The following GASK1A variants were observed in gnomAD, a reference collection of about 807,000 sequenced individuals.
The protein encoded by GASK1A is golgi associated kinase 1A, also known as Golgi-associated kinase 1A.
Under a neutral mutation model 41.2 loss-of-function variants are expected in GASK1A, and 40 were observed. The observed-to-expected ratio is 0.97, with a 90% CI of 0.75 to 1.27. The LOEUF is 1.27. Ranked by LOEUF, GASK1A falls within the 50% of genes most tolerant of loss-of-function variation. The pLI is 0.00. For synonymous variants in GASK1A, 316 were observed against 307.1 expected (o/e 1.03, Z -0.30); for missense variants, 678 against 745.1 (o/e 0.91, Z 1.05).
chr3:43,026,689 AT>A (rs2089548489), intron 1 of GASK1A, among the ~76,000 whole-genome samples: 1 of 152,228 alleles, frequency 6.6e-6, no homozygotes, highest in African/African-American at 2.4e-5. Flanking sequence ...CAAATAGAGT[AT>A]AAAAACAAGA....
At chr3:42,983,731 C>T (rs2089293177) in intron 1 of GASK1A, among the ~76,000 whole-genome samples, 1 of 152,284 alleles carries the variant, frequency 6.6e-6, no homozygotes, top group Non-Finnish European at 1.5e-5. Context: ...GAAATTTGAT[C>T]CCCTCTCTCT....
intron 2 of GASK1A, among the ~76,000 whole-genome samples, chr3:43,046,337 T>G (rs1317772158): frequency 6.6e-6 from 1 of 152,234 alleles, no homozygotes; most frequent in Admixed American, 6.5e-5. Flanking sequence ...TGCTATGCTT[T>G]AGCAAAGAAA....
intron 1 of GASK1A, among the ~76,000 whole-genome samples, chr3:43,019,207 G>T (rs376042646): frequency 6.6e-6 from 1 of 152,194 alleles, no homozygotes; most frequent in Non-Finnish European, 1.5e-5. Context: ...GCAAAAGTCC[G>T]CTCTTGTCTT....
At chr3:43,029,501 TG>T (rs1427294359) in intron 1 of GASK1A, among the ~76,000 whole-genome samples, 1 of 152,018 alleles carries the variant, frequency 6.6e-6, no homozygotes, top group Non-Finnish European at 1.5e-5. Context: ...CTAGAATCAC[TG>T]GGTATTGGGG....
chr3:43,042,937 T>G (rs2089645108), intron 2 of GASK1A, among the ~76,000 whole-genome samples: 1 of 151,776 alleles, frequency 6.6e-6, no homozygotes. Flanking sequence ...GCAAGGTGAG[T>G]CCTTAGAGGA....
At chr3:42,990,063 T>C (rs991310668) in intron 1 of GASK1A, among the ~76,000 whole-genome samples, 32 of 151,942 alleles carry the variant, frequency 2.1e-4, no homozygotes, top group Non-Finnish European at 4.6e-4. Flanking sequence ...GTGTGGTGGC[T>C]CATGCTTGTA....
intron 1 of GASK1A, 126 bp downstream of exon 1, chr3:42,979,771 C>A: frequency 2.0e-6 from 2 of 993,050 alleles, no homozygotes; most frequent in Non-Finnish European, 2.6e-6. Flanking sequence ...CGGAGTTGTT[C>A]CCCGAAAGTT....
intron 1 of GASK1A, among the ~76,000 whole-genome samples, chr3:43,020,938 G>C (rs1447220323): frequency 6.6e-6 from 1 of 152,248 alleles, no homozygotes; most frequent in Non-Finnish European, 1.5e-5. Flanking sequence ...GACTGCATCT[G>C]CAGTGCAACC....
chr3:43,030,100 G>A (rs545811149), intron 1 of GASK1A, among the ~76,000 whole-genome samples: 3 of 152,296 alleles, frequency 2.0e-5, no homozygotes, highest in African/African-American at 7.2e-5. Context: ...GGGTTCAAGC[G>A]GTTCTCCTGC....
At chr3:43,006,195 T>C (rs2089435265) in intron 1 of GASK1A, among the ~76,000 whole-genome samples, 1 of 152,340 alleles carries the variant, frequency 6.6e-6, no homozygotes, top group East Asian at 1.9e-4. Context: ...CTGCTCCTTC[T>C]GAGCTGGTCG....
rs946679995 is a variant in GASK1A at position 43,056,518 on chromosome 3, C to T, written c.*132C>T. 5.1e-6 allele frequency: 4 copies of T among 784,322 alleles called. No homozygotes were observed. Among genetic ancestry groups the T allele is most frequent in the Non-Finnish European group, 7.9e-6 (4 of 505,580 alleles). The allele number at this position is 784,322 out of a possible 1,614,324, so 48.6% of individuals were successfully genotyped here. The stretch of plus-strand genomic sequence containing the variant: ...AGGATGTCACGGGATATTTCACCTG[C>T]CTGGGATGGTGGAGGTAGTATGGGG... On this transcript the variant is annotated 3_prime_UTR_variant, in exon 5 of 5. Coordinates refer to ENST00000430121, the MANE Select transcript of GASK1A (RefSeq NM_001129908.3).
At chr3:43,023,113 C>T (rs1323818111) in intron 1 of GASK1A, among the ~76,000 whole-genome samples, 1 of 152,166 alleles carries the variant, frequency 6.6e-6, no homozygotes, top group Non-Finnish European at 1.5e-5. Flanking sequence ...AGATGGGGAA[C>T]TTACTGTGGA....
Position 43,032,956 on chromosome 3 carries a change from C to G in GASK1A, c.693C>G (p.Gly231=). 1 of 1,550,928 alleles carries G rather than the reference C, an allele frequency of 6.4e-7. No individual in the cohort carries two copies. Among genetic ancestry groups the G allele is most frequent in the Non-Finnish European group, 8.7e-7 (1 of 1,146,532 alleles). Residue 231 remains glycine (G), a synonymous_variant, in exon 2 of 5, where the codon GGC becomes GGG. Transcript: ENST00000430121. ...CCTCAGGAGCTCATCAGTGGCCTGG[C>G]TCTGTTGAGAAGCTGCAAGGGTCAG... ...TLASGAHQWP[G]SVEKLQGSVW...
chr3:43,026,142 GGGC>G (rs2089546024), intron 1 of GASK1A, among the ~76,000 whole-genome samples: 1 of 152,148 alleles, frequency 6.6e-6, no homozygotes. Flanking sequence ...AATGGGATGG[GGGC>G]AAGTTTAGTG....
At chr3:42,981,756 G>A (rs1437911819) in intron 1 of GASK1A, among the ~76,000 whole-genome samples, 3 of 152,224 alleles carry the variant, frequency 2.0e-5, no homozygotes, top group Non-Finnish European at 4.4e-5. Context: ...TGTCCACAGA[G>A]TGGTCATTCC....
intron 2 of GASK1A, among the ~76,000 whole-genome samples, chr3:43,038,836 GAGGACTAAGT>G (rs2089619514): frequency 6.6e-6 from 1 of 152,014 alleles, no homozygotes; most frequent in African/African-American, 2.4e-5. Flanking sequence ...CCCTGCCCAC[GAGGACTAAGT>G]AGGATCTTAC....
At chr3:43,036,948 CTG>C (rs1490875273) in intron 2 of GASK1A, among the ~76,000 whole-genome samples, 1 of 152,202 alleles carries the variant, frequency 6.6e-6, no homozygotes, top group Non-Finnish European at 1.5e-5. Flanking sequence ...CCCACAGAAA[CTG>C]TGAAATCATA....
intron 2 of GASK1A, among the ~76,000 whole-genome samples, chr3:43,044,952 C>T (rs2089655337): frequency 6.6e-6 from 1 of 152,034 alleles, no homozygotes. Context: ...GCTGTGAAGG[C>T]CCCAAGCTCT....
chr3:43,021,789 T>C (rs1315150715), intron 1 of GASK1A, among the ~76,000 whole-genome samples: 1 of 152,218 alleles, frequency 6.6e-6, no homozygotes, highest in Non-Finnish European at 1.5e-5. Flanking sequence ...CAACAAAACC[T>C]GTGTGTCTAT....
Sources: gnomAD v4.1 joint callset for allele counts (sites outside exome capture counted in the v4.1 genomes callset) on GRCh38, gnomAD v4.1.1 for gene constraint, MANE v1.5 for transcripts, NCBI Gene and HGNC (gene_info 2026-07-23, HGNC 2026-07-21) for gene names.